PLPPR4: variants seen among roughly 807,000 people sequenced by gnomAD.
PLPPR4 encodes the protein phospholipid phosphatase related 4.
Under a neutral mutation model 56.6 loss-of-function variants are expected in PLPPR4, and 24 were observed. The ratio of observed to expected loss-of-function variants is 0.42; its 90% CI spans 0.31 to 0.60. The LOEUF (loss-of-function observed/expected upper bound fraction) is 0.60, where lower values mean the gene tolerates loss of function less well. PLPPR4 is among the 20% of genes least tolerant of loss of function. PLPPR4 has a pLI of 0.13. For synonymous variants in PLPPR4, 326 were observed against 328.1 expected (o/e 0.99, Z 0.07); for missense variants, 654 against 885.8 (o/e 0.74, Z 3.32).
At chr1:99,274,847 C>T (rs796734991) in intron 1 of PLPPR4, among the ~76,000 whole-genome samples, 10 of 152,240 alleles carry the variant, frequency 6.6e-5, no homozygotes, top group African/African-American at 2.4e-4. Context: ...CATATATAAA[C>T]TCGTCAGCAG....
intron 2 of PLPPR4, among the ~76,000 whole-genome samples, chr1:99,292,898 C>T (rs181321000): frequency 8.3e-4 from 126 of 152,282 alleles, no homozygotes; most frequent in Non-Finnish European, 1.4e-3. Flanking sequence ...AATCTTCCTA[C>T]ATATACAGCT....
At position 99,264,570 on chromosome 1, in the gene PLPPR4, C is replaced by T; in HGVS notation, c.-24C>T. The T allele has an allele frequency of 6.4e-7, 1 of 1,550,942 alleles. No homozygotes were observed. Among genetic ancestry groups the T allele is most frequent in the South Asian group, 1.2e-5 (1 of 84,094 alleles). On this transcript the variant is annotated 5_prime_UTR_variant, in exon 1 of 7. It adds an upstream start codon to the 5' untranslated region. Coordinates refer to ENST00000370185, the MANE Select transcript of PLPPR4 (RefSeq NM_014839.5). ...TGTGCACACCTCGCCCGGGGGAGGA[C>T]GCAGACCCGGGCAGGCGGCAGGGAT...
At chr1:99,281,512 T>C (rs1659324413) in intron 1 of PLPPR4, among the ~76,000 whole-genome samples, 1 of 152,312 alleles carries the variant, frequency 6.6e-6, no homozygotes, top group Non-Finnish European at 1.5e-5. Context: ...AGAGTGAGGA[T>C]AGTTTTATAT....
chr1:99,298,459 A>C (rs1659800415), intron 3 of PLPPR4, among the ~76,000 whole-genome samples: 1 of 152,190 alleles, frequency 6.6e-6, no homozygotes, highest in Admixed American at 6.6e-5. Context: ...TCGTGTCCAA[A>C]TTCCAAACAC....
intron 1 of PLPPR4, among the ~76,000 whole-genome samples, chr1:99,285,093 C>A (rs1398191608): frequency 6.7e-6 from 1 of 149,766 alleles, no homozygotes; most frequent in Non-Finnish European, 1.5e-5. Flanking sequence ...ACAATAACAA[C>A]AATACTTAAT....
intron 2 of PLPPR4, among the ~76,000 whole-genome samples, chr1:99,293,787 T>C (rs1023480498): frequency 6.6e-6 from 1 of 152,166 alleles, no homozygotes; most frequent in East Asian, 1.9e-4. Flanking sequence ...TGTTTTGTTT[T>C]ACAAGAAAGA....
At chr1:99,300,148 C>T (rs1205942929) in intron 4 of PLPPR4, among the ~76,000 whole-genome samples, 1 of 151,966 alleles carries the variant, frequency 6.6e-6, no homozygotes, top group Non-Finnish European at 1.5e-5. Context: ...ATTAACTTAT[C>T]TCTGTTGAAT....
chr1:99,265,574 C>A (rs1658874443), intron 1 of PLPPR4, among the ~76,000 whole-genome samples: 1 of 152,136 alleles, frequency 6.6e-6, no homozygotes, highest in Non-Finnish European at 1.5e-5. Context: ...GGTTGTATTG[C>A]ATAGATTTAG....
intron 4 of PLPPR4, among the ~76,000 whole-genome samples, chr1:99,299,930 G>A (rs1659841555): frequency 6.6e-6 from 1 of 151,840 alleles, no homozygotes; most frequent in Non-Finnish European, 1.5e-5. Context: ...GAGGGATAAG[G>A]GCCAATCAAT....
At chr1:99,297,354 C>G (rs946084164) in intron 3 of PLPPR4, among the ~76,000 whole-genome samples, 1 of 152,062 alleles carries the variant, frequency 6.6e-6, no homozygotes, top group Non-Finnish European at 1.5e-5. Flanking sequence ...TGGTTGTAGC[C>G]CCTAATGTTA....
At chr1:99,296,063 T>A (rs1659732908) in intron 2 of PLPPR4, among the ~76,000 whole-genome samples, 1 of 152,156 alleles carries the variant, frequency 6.6e-6, no homozygotes, top group Admixed American at 6.5e-5. Flanking sequence ...GCCATGTTCC[T>A]TATCTTAAGA....
intron 1 of PLPPR4, among the ~76,000 whole-genome samples, chr1:99,277,596 A>T (rs1036274390): frequency 3.9e-5 from 6 of 152,046 alleles, no homozygotes; most frequent in African/African-American, 1.4e-4. Flanking sequence ...GATTTCTTGT[A>T]TTTATAAACT....
intron 2 of PLPPR4, among the ~76,000 whole-genome samples, chr1:99,294,273 T>C (rs1659689149): frequency 6.6e-6 from 1 of 152,178 alleles, no homozygotes; most frequent in Admixed American, 6.5e-5. Flanking sequence ...ATGTCCTGTT[T>C]AATGAGAGGG....
chr1:99,292,592 G>A (rs1425359094), intron 2 of PLPPR4, among the ~76,000 whole-genome samples: 2 of 152,042 alleles, frequency 1.3e-5, no homozygotes, highest in African/African-American at 4.8e-5. Flanking sequence ...TACACTTCAG[G>A]ATCCCTGATT....
rs989733017 is a variant in PLPPR4 at position 99,306,672 on chromosome 1, C to A, written c.1810C>A (p.Pro604Thr). The A allele has an allele frequency of 9.3e-6, 15 of 1,614,066 alleles. 1 individual carries two copies. The Admixed American group carries it at 1.7e-4, about 18-fold the overall frequency. The change falls in exon 7 of 7, where the codon CCT becomes ACT. Residue 604 changes from proline to threonine, a missense_variant. Around this residue, in one of 2 missense-constraint regions of PLPPR4, gnomAD observed 468 missense variants for 554.3 expected, o/e 0.84. Transcript: ENST00000370185. This position sits in a 1 kb window ranked among gnomAD's most constrained non-coding sequence, Gnocchi z 4.0. ...CAGTGGCTCCTGGAAGTGGAAAGCC[C>A]CTGAAAAGGGCAGCCTTCGCCAAAC... ...EGSGSWKWKA[P>T]EKGSLRQTYE... is the part of the protein sequence containing the mutation.
intron 1 of PLPPR4, among the ~76,000 whole-genome samples, chr1:99,286,910 T>C (rs1297721533): frequency 6.6e-6 from 1 of 152,160 alleles, no homozygotes; most frequent in Non-Finnish European, 1.5e-5. Flanking sequence ...TTGTTGTTTG[T>C]TTGTTTTCTT....
intron 3 of PLPPR4, 31 bp downstream of exon 3, chr1:99,296,898 T>C: frequency 6.7e-7 from 1 of 1,503,446 alleles, no homozygotes; most frequent in Non-Finnish European, 8.9e-7. Flanking sequence ...AGAAAAGAAA[T>C]GCTTTTTTTT....
chr1:99,296,377 G>T (rs1339345749), intron 2 of PLPPR4, among the ~76,000 whole-genome samples: 1 of 152,168 alleles, frequency 6.6e-6, no homozygotes, highest in African/African-American at 2.4e-5. Flanking sequence ...CATCATTGCA[G>T]AAATATTTAT....
At chr1:99,263,643 T>C (rs1313584695), upstream of PLPPR4, among the ~76,000 whole-genome samples, 1 of 152,144 alleles carries the variant, frequency 6.6e-6, no homozygotes, top group Non-Finnish European at 1.5e-5. Flanking sequence ...GCCAAAGTAA[T>C]CACAAAATTG....
Sources: gnomAD v4.1 joint callset for allele counts (sites outside exome capture counted in the v4.1 genomes callset) on GRCh38, gnomAD v4.1.1 for gene constraint, gnomAD v4.1.1 regional missense constraint, Gnocchi (gnomAD v3.1) non-coding constraint, MANE v1.5 for transcripts, NCBI Gene and HGNC (gene_info 2026-07-23, HGNC 2026-07-21) for gene names.